ANKRD28: variants seen among roughly 807,000 people sequenced by gnomAD.
The protein encoded by ANKRD28 is ankyrin repeat domain 28, also known as serine/threonine-protein phosphatase 6 regulatory ankyrin repeat subunit A.
A neutral mutation model predicts 126.5 loss-of-function variants in ANKRD28; 44 were observed. The ratio of observed to expected loss-of-function variants is 0.35; its 90% CI spans 0.27 to 0.45. ANKRD28 has a LOEUF of 0.45. Ranked by LOEUF, ANKRD28 falls within the 20% of genes least tolerant of loss-of-function variation. The pLI is 1.00. For synonymous variants in ANKRD28, 442 were observed against 468.5 expected (o/e 0.94, Z 0.73); for missense variants, 1,110 against 1,316.6 (o/e 0.84, Z 2.43).
rs2060282740 is a variant in ANKRD28, at chr3:15,796,540, A to G, written c.-19T>C. 3 of 1,275,884 alleles carry G rather than the reference A, an allele frequency of 2.4e-6. No homozygotes were observed. Among genetic ancestry groups the G allele is most frequent in the Middle Eastern group, 2.1e-4 (1 of 4,666 alleles). 79.0% of individuals were successfully genotyped at this position (1,275,884 alleles called of 1,614,324 possible). A position where few individuals can be genotyped will look rare whatever the true frequency, so the allele number is the denominator to read the frequency against. ...GACTCATTCGATCTTTTAAAACACT[A>G]AATTCCAAGCTATGTGATAAAAGTC... On this transcript the variant is annotated 5_prime_UTR_variant, in exon 1 of 28. Transcript: ENST00000683139.
chr3:15,673,563 A>C (rs980322476), intron 27 of ANKRD28, among the ~76,000 whole-genome samples: 20 of 152,252 alleles, frequency 1.3e-4, no homozygotes, highest in Admixed American at 6.5e-5. Context: ...GCTTTATGTA[A>C]AAAAAGAGGA....
At chr3:15,811,680 C>T (rs920757991) in intron 1 of ANKRD28, among the ~76,000 whole-genome samples, 3 of 151,962 alleles carry the variant, frequency 2.0e-5, no homozygotes, top group African/African-American at 7.2e-5. Flanking sequence ...GTCTTGATCT[C>T]TTGACCTCGT....
intron 2 of ANKRD28, among the ~76,000 whole-genome samples, chr3:15,789,258 T>G (rs533376928): frequency 2.2e-4 from 33 of 152,172 alleles, no homozygotes; most frequent in Non-Finnish European, 4.1e-4. Flanking sequence ...TTCAATAAAG[T>G]CCACTGAAGC....
intron 17 of ANKRD28, 120 bp downstream of exon 17, chr3:15,694,619 C>T: frequency 1.6e-6 from 1 of 618,232 alleles, no homozygotes; most frequent in South Asian, 3.8e-5. Context: ...AGTTTTAATT[C>T]CATGATAACT....
intron 1 of ANKRD28, among the ~76,000 whole-genome samples, chr3:15,828,328 G>A (rs188806084): frequency 8.5e-5 from 13 of 152,210 alleles, no homozygotes; most frequent in Admixed American, 2.6e-4. Flanking sequence ...AGGGCTGGAC[G>A]CGGTGGCTCA....
chr3:15,739,383 C>T (rs1289720811), intron 4 of ANKRD28, among the ~76,000 whole-genome samples: 3 of 152,196 alleles, frequency 2.0e-5, no homozygotes, highest in African/African-American at 2.4e-5. Context: ...TTATGTTCTT[C>T]TGCCATGGCT....
chr3:15,707,850 A>C (rs1231632295), intron 14 of ANKRD28, 74 bp downstream of exon 14: 2 of 1,524,572 alleles, frequency 1.3e-6, no homozygotes, highest in South Asian at 1.3e-5. Context: ...ACAAATTTGC[A>C]ACAAAAACAT....
At chr3:15,689,536 C>T (rs1166998804) in intron 18 of ANKRD28, among the ~76,000 whole-genome samples, 1 of 152,196 alleles carries the variant, frequency 6.6e-6, no homozygotes, top group Non-Finnish European at 1.5e-5. Context: ...GGGGCACTTA[C>T]ATCTTTTGTG....
At chr3:15,851,109 T>C (rs1309954387) in intron 1 of ANKRD28, among the ~76,000 whole-genome samples, 1 of 152,210 alleles carries the variant, frequency 6.6e-6, no homozygotes, top group Non-Finnish European at 1.5e-5. Flanking sequence ...CAGATTATAG[T>C]AAGAGAAACT....
At chr3:15,676,408 A>T (rs867143141) in intron 26 of ANKRD28, among the ~76,000 whole-genome samples, 1 of 152,264 alleles carries the variant, frequency 6.6e-6, no homozygotes, top group Non-Finnish European at 1.5e-5. Context: ...GCTTACAAGC[A>T]TCATGACTAA....
At chr3:15,749,110 T>TTG (rs2057695733) in intron 4 of ANKRD28, among the ~76,000 whole-genome samples, 2 of 134,268 alleles carry the variant, frequency 1.5e-5, no homozygotes, top group African/African-American at 5.9e-5. Flanking sequence ...TGTTTTTTTT[T>TTG]TTTTTTTTTT....
chr3:15,797,029 A>C lies in ANKRD28; in HGVS notation c.-508T>G. 1 of 985,250 alleles carries C rather than the reference A, an allele frequency of 1.0e-6. No homozygotes were observed. Among genetic ancestry groups the C allele is most frequent in the Non-Finnish European group, 1.2e-6 (1 of 829,832 alleles). 61.0% of individuals were successfully genotyped at this position (985,250 alleles called of 1,614,324 possible). ...AGTAGCTGTTTTGCTTATAATTGAA[A>C]ATAAAAAATAAAATCTCACTATTCT... On this transcript the variant is annotated 5_prime_UTR_variant, in exon 1 of 28. It adds an upstream start codon to the 5' untranslated region. Coordinates refer to ENST00000683139, the MANE Select transcript of ANKRD28 (RefSeq NM_001349278.2).
chr3:15,751,774 G>C lies in ANKRD28; in HGVS notation c.327C>G (p.His109Gln). Residue 109 changes from histidine to glutamine, a missense_variant, in exon 4 of 28, where the codon CAC (histidine) becomes CAG (glutamine). By Grantham distance (24) the His-to-Gln change is conservative. Transcript: ENST00000683139. ...AKDSKWLTPL[H>Q]RAVASCSEEA... Reference sequence around the variant, plus strand: ...CCTCACTACAAGATGCAACTGCTCTGTGTAAAGGTGTCAACCATTTGCTGT... The same window carrying C: ...CCTCACTACAAGATGCAACTGCTCTCTGTAAAGGTGTCAACCATTTGCTGT... 3.8e-6 allele frequency: 6 copies of C among 1,588,934 alleles called. No homozygotes were observed. The highest frequency in any genetic ancestry group is 5.1e-6 in the Non-Finnish European group (6 of 1,167,060).
At position 15,698,381 on chromosome 3, in the gene ANKRD28, T is replaced by G. The variant is rs576643703; in HGVS notation, c.1548-2136A>C. On this transcript the variant is annotated intron_variant, in intron 14 of 27. Transcript: ENST00000683139. The stretch of plus-strand genomic sequence containing the variant: ...TCCTATTCAACATAGTGTTGGAAGT[T>G]CTGGCTAGGGCAATCAGGCAAGAGA... Among the ~76,000 whole-genome samples the G allele has an allele frequency of 2.0e-5, 3 of 152,298 alleles. No homozygotes were observed. In the South Asian group the frequency reaches 6.2e-4, roughly 32 times the overall value.
In ANKRD28 at chr3:15,669,211, A is replaced by C. The variant is rs1172197150; in HGVS notation, c.*1059T>G. ...CTTAATTTATGAACAACAAGGAATT[A>C]TTTTCCTTTTGATTATTCACTTTTT... On this transcript the variant is annotated 3_prime_UTR_variant, in exon 28 of 28. Transcript: ENST00000683139. 6.6e-6 allele frequency: 1 copy of C among 152,196 alleles called. No individual in the cohort carries two copies. The highest frequency in any genetic ancestry group is 1.5e-5 in the Non-Finnish European group (1 of 68,036). The allele number at this position is 152,196 out of a possible 1,614,324, so 9.4% of individuals were successfully genotyped here.
In ANKRD28 at chr3:15,693,767, T is replaced by C. The variant is rs565981681; in HGVS notation, c.1761+972A>G. On this transcript the variant is annotated intron_variant, in intron 17 of 27. Transcript: ENST00000683139. ...TCCAAGGACTCAAAGGGCAAAGAAG[T>C]AGAAAGCTTCAAGAATGCTTTCTTA... is the stretch of plus-strand genomic sequence containing the variant. Among the ~76,000 whole-genome samples the C allele has an allele frequency of 5.4e-4, 82 of 152,286 alleles. 1 individual carries two copies. Among genetic ancestry groups the C allele is most frequent in the Middle Eastern group, 3.4e-3 (1 of 294 alleles).
intron 1 of ANKRD28, among the ~76,000 whole-genome samples, chr3:15,808,344 G>A (rs1032484490): frequency 6.6e-6 from 1 of 152,078 alleles, no homozygotes; most frequent in African/African-American, 2.4e-5. Flanking sequence ...TCTTCCCACT[G>A]GTTCCTCACA....
rs202225172 is a variant in ANKRD28, at chr3:15,711,217, G to A, written c.1331C>T (p.Ala444Val). 1.2e-6 allele frequency: 2 copies of A among 1,611,584 alleles called. No homozygotes were observed. Among genetic ancestry groups the A allele is most frequent in the East Asian group, 4.5e-5 (2 of 44,788 alleles). ...FGRTCLHAAA[A>V]GGNLECLNLL... ...AAAAATACTATTAACATACCCTCCA[G>A]CTGCAGCTGCATGTAGACAAGTCCT... The change falls in exon 12 of 28, where the codon GCT (alanine) becomes GTT (valine). Residue 444 changes from alanine to valine, a missense_variant. By Grantham distance (64) the Ala-to-Val change is moderately conservative. Transcript: ENST00000683139.
chr3:15,836,490 A>G (rs184091480), intron 1 of ANKRD28, among the ~76,000 whole-genome samples: 302 of 152,308 alleles, frequency 2.0e-3, no homozygotes, highest in Non-Finnish European at 3.0e-3. Flanking sequence ...TTCAAAAGTA[A>G]TATTAAATAT....
Sources: allele counts gnomAD v4.1 joint callset (sites outside exome capture counted in the v4.1 genomes callset), GRCh38; gene constraint gnomAD v4.1.1; transcripts MANE v1.5; gene names NCBI Gene and HGNC (gene_info 2026-07-23, HGNC 2026-07-21).